SPATA31D1: variants seen among roughly 807,000 people sequenced by gnomAD.
SPATA31D1 encodes the protein SPATA31 subfamily D member 1, also known as spermatogenesis-associated protein 31D1.
SPATA31D1 carries 6 observed loss-of-function variants against 13.2 expected under a neutral mutation model. That is an observed-to-expected ratio of 0.46 (90% confidence interval 0.25 to 0.90). The LOEUF is 0.90. Ranked by LOEUF, SPATA31D1 falls within the 40% of genes least tolerant of loss-of-function variation. The pLI, the probability that SPATA31D1 is intolerant of heterozygous loss-of-function variation, is 0.18. For missense variants in SPATA31D1, 2,445 were observed against 1,884.7 expected (o/e 1.30, Z -5.50); for synonymous variants, 903 against 718.8 (o/e 1.26, Z -4.10).
intron 1 of SPATA31D1, 48 bp downstream of exon 1, chr9:81,989,052 TC>T: frequency 6.3e-7 from 1 of 1,596,856 alleles, no homozygotes; most frequent in Non-Finnish European, 8.5e-7. Context: ...TGTTGTTGTT[TC>T]CCAATCCTAT....
At chr9:81,989,706 ATG>A (rs1824914411) in intron 1 of SPATA31D1, 70 bp from the exon 2 acceptor site, 1 of 1,471,608 alleles carries the variant, frequency 6.8e-7, no homozygotes, top group African/African-American at 1.4e-5. Context: ...GAATGAATGA[ATG>A]AATGAATGAG....
Position 81,994,045 on chromosome 9 carries a change from C to A in SPATA31D1, c.3575C>A (p.Pro1192His), listed in dbSNP as rs1355393432. The part of the protein sequence containing the change: ...TEIFPPRISV[P>H]QDPKSSYLKN... ...ATTTTCCCACCAAGAATATCAGTTC[C>A]TCAAGATCCTAAATCATCATACCTT... Residue 1192 changes from proline to histidine, a missense_variant, in exon 4 of 4, where the codon CCT becomes CAT. Transcript: ENST00000344803. 6.2e-7 allele frequency: 1 copy of A among 1,613,846 alleles called. No individual in the cohort carries two copies.
At position 81,993,330 on chromosome 9, in the gene SPATA31D1, G is replaced by T; in HGVS notation, c.2860G>T (p.Gly954Ter). The change falls in exon 4 of 4, where the codon GGA becomes TGA. Residue 954 changes from glycine (G) to a stop codon, truncating the protein, a stop_gained. Transcript: ENST00000344803. LOFTEE classifies it low-confidence loss of function (END_TRUNC). ...CTCCTCAGCCACCTTCATCTCTCAG[G>T]GAGATTCCAAAGATGGGGTCTCTAA... ...LPSSATFISQ[G>*]DSKDGVSKSR... The T allele has an allele frequency of 6.2e-7, 1 of 1,613,874 alleles. No homozygotes were observed. Among genetic ancestry groups the T allele is most frequent in the Non-Finnish European group, 8.5e-7 (1 of 1,179,892 alleles).
At chr9:81,987,537 T>C (rs1264701248), upstream of SPATA31D1, among the ~76,000 whole-genome samples, 1 of 152,162 alleles carries the variant, frequency 6.6e-6, no homozygotes, top group East Asian at 1.9e-4. Context: ...TCCTTTTAGG[T>C]CGATGTGTAT....
Position 81,992,894 on chromosome 9 carries a change from T to C in SPATA31D1, c.2424T>C (p.His808=). The C allele has an allele frequency of 1.2e-6, 2 of 1,613,792 alleles. No individual in the cohort carries two copies. The highest frequency in any genetic ancestry group is 2.2e-5 in the East Asian group (1 of 44,868). The change falls in exon 4 of 4, where the codon CAT becomes CAC. Residue 808 remains histidine, a synonymous_variant. Transcript: ENST00000344803. The stretch of plus-strand genomic sequence containing the variant: ...ACTCTGAGAGAGACCTAGAAACTCA[T>C]ATGATGCATCTGTCAGGGAATGACT... The part of the protein sequence containing the change: ...RSNSERDLET[H]MMHLSGNDSG...
In SPATA31D1 at chr9:81,989,001, A is replaced by G; in HGVS notation, c.183A>G (p.Gln61=). ...SSPTEKNNDI[Q]KHQGRAKRRR... The stretch of plus-strand genomic sequence containing the variant: ...CCACCGAAAAAAATAATGACATCCA[A>G]AAGGTAAGGAACTGTGGGTGAACAC... Residue 61 remains glutamine, a synonymous_variant, in exon 1 of 4, where the codon CAA becomes CAG. Transcript: ENST00000344803. The G allele has an allele frequency of 6.2e-7, 1 of 1,611,708 alleles. No individual in the cohort carries two copies. The highest frequency in any genetic ancestry group is 8.5e-7 in the Non-Finnish European group (1 of 1,179,656).
chr9:81,990,567 T>C, intron 3 of SPATA31D1, 81 bp downstream of exon 3: 1 of 1,425,238 alleles, frequency 7.0e-7, no homozygotes, highest in South Asian at 1.4e-5. Flanking sequence ...AGGGATTCCT[T>C]GTAGCCTGCT....
chr9:81,988,728 C>A, upstream of SPATA31D1: 7 of 1,593,052 alleles, frequency 4.4e-6, no homozygotes, highest in Non-Finnish European at 6.0e-6. Flanking sequence ...TTCTGTGACT[C>A]TTCCATGCTC....
In SPATA31D1 at chr9:81,992,741, C is replaced by A. The variant is rs369132919; in HGVS notation, c.2271C>A (p.His757Gln). 44 of 1,613,818 alleles carry A rather than the reference C, an allele frequency of 2.7e-5. No individual in the cohort carries two copies. The South Asian group carries it at 4.7e-4, about 17-fold the overall frequency. ...CATCAAGCTTCCCTAGAAGCTTCCA[C>A]GAGAGGAGCTCAAATATGCTTTCCA... ...KSASSFPRSF[H>Q]ERSSNMLSME... is the part of the protein sequence containing the mutation. Residue 757 changes from histidine (H) to glutamine (Q), a missense_variant, in exon 4 of 4, where the codon CAC becomes CAA. Coordinates refer to ENST00000344803, the MANE Select transcript of SPATA31D1 (RefSeq NM_001001670.3).
In SPATA31D1 at chr9:81,993,672, TTC is replaced by T; in HGVS notation, c.3206_3207del (p.Ser1069Ter). 3 of 1,614,016 alleles carry T rather than the reference TTC, an allele frequency of 1.9e-6. No individual in the cohort carries two copies. Among genetic ancestry groups the T allele is most frequent in the Non-Finnish European group, 2.5e-6 (3 of 1,179,894 alleles). ...AAAGCAGGGGACCCTGAGAAGAGAA[TTC>T]TCTGATACTGACAATGATCTTACAG... The part of the protein sequence containing the change: ...QEKQGTLRRE[F>X]SDTDNDLTES... On this transcript the variant is annotated frameshift_variant, in exon 4 of 4. Coordinates refer to ENST00000344803, the MANE Select transcript of SPATA31D1 (RefSeq NM_001001670.3). LOFTEE classifies it low-confidence loss of function (END_TRUNC).
In SPATA31D1 at chr9:81,992,671, T is replaced by C; in HGVS notation, c.2201T>C (p.Ile734Thr). 6.2e-7 allele frequency: 1 copy of C among 1,613,778 alleles called. No individual in the cohort carries two copies. The highest frequency in any genetic ancestry group is 8.5e-7 in the Non-Finnish European group (1 of 1,179,724). Residue 734 changes from isoleucine to threonine, a missense_variant, in exon 4 of 4, where the codon ATC becomes ACC. Coordinates refer to ENST00000344803, the MANE Select transcript of SPATA31D1 (RefSeq NM_001001670.3). ...VSERIHGPLN[I>T]SLVEGQRCNV... ...GAGAGAATTCATGGACCGTTAAATA[T>C]CTCTTTGGTTGAGGGTCAGAGGTGC...
At chr9:81,989,865 T>C in intron 2 of SPATA31D1, 42 bp downstream of exon 2, 1 of 1,599,528 alleles carries the variant, frequency 6.3e-7, no homozygotes, top group Non-Finnish European at 8.5e-7. Context: ...GGGTGACCCT[T>C]TCTGTCTCTT....
chr9:81,990,179 C>G (rs566157010), intron 2 of SPATA31D1: 1 of 533,796 alleles, frequency 1.9e-6, no homozygotes, highest in African/African-American at 1.9e-5. Flanking sequence ...CTGGAGGTAA[C>G]CACTGATGTC....
In SPATA31D1 at chr9:81,990,489, G is replaced by A; in HGVS notation, c.302+3G>A. On this transcript the variant is annotated splice_donor_region_variant and intron_variant, in intron 3 of 3. Coordinates refer to ENST00000344803, the MANE Select transcript of SPATA31D1 (RefSeq NM_001001670.3). ...AAGCTGCTTTCTCTTCTGAAAAGGT[G>A]ATTAATCTTTCCCTTTGTGTCCTGT... The A allele has an allele frequency of 1.9e-6, 3 of 1,601,624 alleles. No homozygotes were observed. The highest frequency in any genetic ancestry group is 2.6e-6 in the Non-Finnish European group (3 of 1,173,486).
Position 81,992,346 on chromosome 9 carries a change from T to A in SPATA31D1, c.1876T>A (p.Trp626Arg). The A allele has an allele frequency of 6.2e-7, 1 of 1,613,594 alleles. No homozygotes were observed. The highest frequency in any genetic ancestry group is 8.5e-7 in the Non-Finnish European group (1 of 1,179,692). Reference protein sequence around the residue: ...LLPSEINHLEWNVLQKVQESL... With the variant: ...LLPSEINHLERNVLQKVQESL... ...GCCATCTGAAATTAACCATCTGGAG[T>A]GGAACGTGTTGCAGAAAGTGCAGGA... The change falls in exon 4 of 4, where the codon TGG (tryptophan) becomes AGG (arginine). Residue 626 changes from tryptophan to arginine, a missense_variant. Physicochemically the swap from Trp to Arg is moderately radical, Grantham distance 101. Transcript: ENST00000344803.
chr9:81,989,852 C>T lies in SPATA31D1; in HGVS notation c.232+29C>T, dbSNP rs770032450. Reference sequence around the variant, plus strand: ...ATGTCAGCCTGCTCTATCTGAGCTTCAGGGGTGACCCTTTCTGTCTCTTTC... The same window carrying T: ...ATGTCAGCCTGCTCTATCTGAGCTTTAGGGGTGACCCTTTCTGTCTCTTTC... On this transcript the variant is annotated intron_variant, in intron 2 of 3. Transcript: ENST00000344803. The T allele has an allele frequency of 3.7e-6, 6 of 1,609,930 alleles. No individual in the cohort carries two copies. In the African/African-American group the frequency reaches 5.4e-5, roughly 14 times the overall value.
At position 81,994,437 on chromosome 9, in the gene SPATA31D1, G is replaced by T. The variant is rs199847061; in HGVS notation, c.3967G>T (p.Val1323Phe). 3.9e-4 allele frequency: 635 copies of T among 1,613,534 alleles called. No homozygotes were observed. The highest frequency in any genetic ancestry group is 4.8e-4 in the Non-Finnish European group (570 of 1,179,734). The change falls in exon 4 of 4, where the codon GTT becomes TTT. Residue 1323 changes from valine to phenylalanine, a missense_variant. By Grantham distance (50) the Val-to-Phe change is conservative (BLOSUM62 -1). Coordinates refer to ENST00000344803, the MANE Select transcript of SPATA31D1 (RefSeq NM_001001670.3). ...CCAACGCAGGAGAAAGAGCCTCCCT[G>T]TTCATAACAAGACATCAGGGGAGGT... ...TSQRRRKSLP[V>F]HNKTSGEVLG...
In SPATA31D1 at chr9:81,994,511, A is replaced by G; in HGVS notation, c.4041A>G (p.Glu1347=). 6.2e-7 allele frequency: 1 copy of G among 1,613,568 alleles called. No homozygotes were observed. The part of the protein sequence containing the change: ...SPTLKTQPPP[E]NLFRKWMKTS... Reference sequence around the variant, plus strand: ...CCTTGAAAACACAGCCTCCTCCTGAAAACCTTTTCAGAAAATGGATGAAGA... The same window carrying G: ...CCTTGAAAACACAGCCTCCTCCTGAGAACCTTTTCAGAAAATGGATGAAGA... The change falls in exon 4 of 4, where the codon GAA becomes GAG. Residue 1347 remains glutamate, a synonymous_variant. Coordinates refer to ENST00000344803, the MANE Select transcript of SPATA31D1 (RefSeq NM_001001670.3).
chr9:81,990,687 G>A, intron 3 of SPATA31D1, 86 bp from the exon 4 acceptor site: 2 of 1,496,706 alleles, frequency 1.3e-6, no homozygotes, highest in South Asian at 2.6e-5. Flanking sequence ...TGGGTTGGGG[G>A]CAATGTGATA....
Sources: allele counts gnomAD v4.1 joint callset (sites outside exome capture counted in the v4.1 genomes callset), GRCh38; gene constraint gnomAD v4.1.1; transcripts MANE v1.5; gene names NCBI Gene and HGNC (gene_info 2026-07-23, HGNC 2026-07-21).